NOM1: variants seen among roughly 807,000 people sequenced by gnomAD.
NOM1 encodes nucleolar MIF4G domain-containing protein 1.
In NOM1, 58 loss-of-function variants were observed where a neutral mutation model predicts 73.3. The ratio of observed to expected loss-of-function variants is 0.79; its 90% CI spans 0.64 to 0.99. The LOEUF is 0.99. Among genes scored for constraint, NOM1 ranks in the 50% least tolerant of loss-of-function variants. NOM1 has a pLI of 0.00. For missense variants in NOM1, 1,226 were observed against 1,131.9 expected (o/e 1.08, Z -1.19); for synonymous variants, 487 against 446.8 (o/e 1.09, Z -1.14).
intron 3 of NOM1, among the ~76,000 whole-genome samples, 174 bp downstream of exon 3, chr7:156,954,472 G>A (rs896308003): frequency 7.4e-6 from 1 of 134,294 alleles, no homozygotes; most frequent in Admixed American, 8.0e-5. Context: ...CATTCAGGAA[G>A]TACTTGATTA....
intron 9 of NOM1, chr7:156,968,703 A>ATATATATATATATATATATATATACACG (rs1563687553): frequency 2.5e-4 from 3 of 12,020 alleles, no homozygotes; most frequent in African/African-American, 1.0e-3. Context: ...ATATATATAT[A>ATATATATATATATATATATATATACACG]TATATATATA....
rs762400061 is a variant in NOM1 at position 156,963,134 on chromosome 7, A to G, written c.1870A>G (p.Asn624Asp). ...CTGGAGTGGGGCCCCGATGATCGAC[A>G]ACAGTCACCATACGCACCTGCAGAA... ...SAWSGAPMID[N>D]SHHTHLQKQL... Residue 624 changes from asparagine (N) to aspartate (D), a missense_variant, in exon 6 of 11, where the codon AAC (asparagine) becomes GAC (aspartate). By Grantham distance (23) the Asn-to-Asp change is conservative. Transcript: ENST00000275820. 4 of 1,614,028 alleles carry G rather than the reference A, an allele frequency of 2.5e-6. No homozygotes were observed. The highest frequency in any genetic ancestry group is 1.3e-5 in the African/African-American group (1 of 74,898).
At position 156,971,248 on chromosome 7, in the gene NOM1, T is replaced by G. The variant is rs1348655142; in HGVS notation, c.*1545T>G. 6.6e-6 allele frequency: 1 copy of G among 152,226 alleles called. No individual in the cohort carries two copies. Among genetic ancestry groups the G allele is most frequent in the African/African-American group, 2.4e-5 (1 of 41,454 alleles). The allele number at this position is 152,226 out of a possible 1,614,324, so 9.4% of individuals were successfully genotyped here. On this transcript the variant is annotated 3_prime_UTR_variant, in exon 11 of 11. Transcript: ENST00000275820. ...TAAGATGTGAATACAGAATAGACAT[T>G]GAGAGGTTATATATGTCCAAAACTC...
chr7:156,966,881 C>T, intron 8 of NOM1, 80 bp from the exon 9 acceptor site: 5 of 1,387,880 alleles, frequency 3.6e-6, no homozygotes, highest in Non-Finnish European at 4.9e-6. Flanking sequence ...TAAGAAAATA[C>T]CTTTAGGTTA....
rs780534842 is a variant in NOM1 at position 156,963,148 on chromosome 7, G to A, written c.1884G>A (p.Thr628=). ...GAPMIDNSHH[T]HLQKQLVGTV... is the part of the protein sequence containing the mutation. ...CGATGATCGACAACAGTCACCATAC[G>A]CACCTGCAGAAGCAGCTTGTGGGGA... Residue 628 remains threonine (T), a synonymous_variant, in exon 6 of 11, where the codon ACG becomes ACA. Transcript: ENST00000275820. 40 of 1,614,012 alleles carry A rather than the reference G, an allele frequency of 2.5e-5. No homozygotes were observed. The highest frequency in any genetic ancestry group is 4.0e-5 in the African/African-American group (3 of 74,902).
Position 156,957,309 on chromosome 7 carries a change from G to T in NOM1, c.1309-2542G>T, listed in dbSNP as rs943628545. On this transcript the variant is annotated intron_variant, in intron 3 of 10. Transcript: ENST00000275820. Reference sequence around the variant, plus strand: ...AAAACTCAAAAACCCAATCTATGTAGATTCATGTTAAAATTTCCACATCAG... The same window carrying T: ...AAAACTCAAAAACCCAATCTATGTATATTCATGTTAAAATTTCCACATCAG... Among the ~76,000 whole-genome samples the T allele has an allele frequency of 2.6e-5, 4 of 152,160 alleles. No homozygotes were observed. The East Asian group carries it at 7.7e-4, about 29-fold the overall frequency.
rs780643723 is a variant in NOM1 at position 156,950,234 on chromosome 7, C to T, written c.497C>T (p.Ala166Val). Residue 166 changes from alanine to valine, a missense_variant, in exon 1 of 11, where the codon GCC (alanine) becomes GTC (valine). Transcript: ENST00000275820. Reference sequence around the variant, plus strand: ...GCAAAGACCAGACCCTCCGCAGCCGCCACCGCCGCTGCCCGGAAACGGGCG... The same window carrying T: ...GCAAAGACCAGACCCTCCGCAGCCGTCACCGCCGCTGCCCGGAAACGGGCG... ...ATAKTRPSAA[A>V]TAAARKRALL... 3 of 1,612,782 alleles carry T rather than the reference C, an allele frequency of 1.9e-6. No individual in the cohort carries two copies. Among genetic ancestry groups the T allele is most frequent in the African/African-American group, 2.7e-5 (2 of 74,948 alleles).
intron 7 of NOM1, 154 bp from the exon 8 acceptor site, chr7:156,966,116 G>A: frequency 1.2e-6 from 1 of 831,356 alleles, no homozygotes; most frequent in Non-Finnish European, 1.9e-6. Flanking sequence ...ACAGGGCTGG[G>A]CCCCTAGCTG....
chr7:156,963,823 C>A, intron 6 of NOM1, 82 bp from the exon 7 acceptor site: 1 of 1,505,858 alleles, frequency 6.6e-7, no homozygotes, highest in Non-Finnish European at 9.0e-7. Flanking sequence ...TATTCAGTGA[C>A]ACTGAAGTAC....
chr7:156,950,057 G>A lies in NOM1; in HGVS notation c.320G>A (p.Gly107Asp), dbSNP rs1482019279. 1 of 1,543,548 alleles carries A rather than the reference G, an allele frequency of 6.5e-7. No individual in the cohort carries two copies. The highest frequency in any genetic ancestry group is 1.7e-4 in the Middle Eastern group (1 of 5,840). ...CAGAGGACGGCGGGCCCCGAACAGG[G>A]TCCCGGCCTGGGAGGCCGAAGCGGA... ...RLQRTAGPEQ[G>D]PGLGGRSGAE... The change falls in exon 1 of 11, where the codon GGT becomes GAT. Residue 107 changes from glycine to aspartate, a missense_variant. Gly to Asp is a moderately conservative substitution (Grantham distance 94, BLOSUM62 -1). Transcript: ENST00000275820.
At chr7:156,968,299 C>A (rs1052358778) in intron 9 of NOM1, among the ~76,000 whole-genome samples, 1 of 152,202 alleles carries the variant, frequency 6.6e-6, no homozygotes, top group African/African-American at 2.4e-5. Context: ...CAGGAGCACA[C>A]CCTCAGGCGT....
Position 156,972,012 on chromosome 7 carries a change from C to T in NOM1, c.*2309C>T, listed in dbSNP as rs1028670010. The T allele has an allele frequency of 3.9e-5, 6 of 152,220 alleles. No individual in the cohort carries two copies. The highest frequency in any genetic ancestry group is 8.8e-5 in the Non-Finnish European group (6 of 68,042). 9.4% of individuals were successfully genotyped at this position (152,220 alleles called of 1,614,324 possible). A position where few individuals can be genotyped will look rare whatever the true frequency, so the allele number is the denominator to read the frequency against. ...TTGCTGGGTGGTGATTGGGATGTAA[C>T]AGATCAGTTCTACTGGACTTGTAGC... On this transcript the variant is annotated 3_prime_UTR_variant, in exon 11 of 11. Transcript: ENST00000275820.
Position 156,949,783 on chromosome 7 carries a change from C to A in NOM1, c.46C>A (p.Gln16Lys). The change falls in exon 1 of 11, where the codon CAG becomes AAG. Residue 16 changes from glutamine to lysine, a missense_variant. Gln to Lys is a moderately conservative substitution (Grantham distance 53). Coordinates refer to ENST00000275820, the MANE Select transcript of NOM1 (RefSeq NM_138400.2). The part of the protein sequence containing the change: ...SAGEAGPGGS[Q>K]GRVVRMKRRG... The stretch of plus-strand genomic sequence containing the variant: ...GGGAGAGGCCGGCCCGGGCGGCTCC[C>A]AGGGACGCGTGGTCCGCATGAAGCG... The A allele has an allele frequency of 2.8e-6, 4 of 1,410,902 alleles. No individual in the cohort carries two copies. The highest frequency in any genetic ancestry group is 2.8e-5 in the East Asian group (1 of 36,318). The allele number at this position is 1,410,902 out of a possible 1,614,324, so 87.4% of individuals were successfully genotyped here. A position where few individuals can be genotyped will look rare whatever the true frequency, so the allele number is the denominator to read the frequency against.
rs780133180 is a variant in NOM1, at chr7:156,969,051, G to T, written c.2299-36G>T. On this transcript the variant is annotated intron_variant, in intron 9 of 10. Transcript: ENST00000275820. Reference sequence around the variant, plus strand: ...ATCATTGAAAAAGTTGGCTAAATCAGTGTAACTTTATTTTTCTCCATGTCC... The same window carrying T: ...ATCATTGAAAAAGTTGGCTAAATCATTGTAACTTTATTTTTCTCCATGTCC... The T allele has an allele frequency of 2.4e-5, 28 of 1,160,618 alleles. No individual in the cohort carries two copies. The South Asian group carries it at 3.1e-4, about 13-fold the overall frequency. 71.9% of individuals were successfully genotyped at this position (1,160,618 alleles called of 1,614,324 possible). A position where few individuals can be genotyped will look rare whatever the true frequency, so the allele number is the denominator to read the frequency against.
chr7:156,959,044 G>A (rs1478233801), intron 3 of NOM1, among the ~76,000 whole-genome samples: 1 of 151,950 alleles, frequency 6.6e-6, no homozygotes, highest in Non-Finnish European at 1.5e-5. Flanking sequence ...TGTAAGAAAT[G>A]AATTTGGGGT....
In NOM1 at chr7:156,971,087, G is replaced by C. The variant is rs1805130204; in HGVS notation, c.*1384G>C. 1 of 152,214 alleles carries C rather than the reference G, an allele frequency of 6.6e-6. No individual in the cohort carries two copies. Among genetic ancestry groups the C allele is most frequent in the Non-Finnish European group, 1.5e-5 (1 of 68,028 alleles). 9.4% of individuals were successfully genotyped at this position (152,214 alleles called of 1,614,324 possible). ...GGAAAACTGATTCTGGGAGGAAGCA[G>C]AAATGTCCCTAGATAACAGCATGTA... On this transcript the variant is annotated 3_prime_UTR_variant, in exon 11 of 11. Transcript: ENST00000275820.
At chr7:156,959,022 G>A (rs528727567) in intron 3 of NOM1, among the ~76,000 whole-genome samples, 2 of 152,176 alleles carry the variant, frequency 1.3e-5, no homozygotes, top group Admixed American at 6.5e-5. Context: ...GAAATCACTC[G>A]TATTGCTTCC....
chr7:156,966,669 C>T (rs1035370972), intron 8 of NOM1, among the ~76,000 whole-genome samples: 1 of 152,172 alleles, frequency 6.6e-6, no homozygotes, highest in Admixed American at 6.5e-5. Flanking sequence ...AGCACCTCGT[C>T]GGTTCACAGT....
intron 4 of NOM1, among the ~76,000 whole-genome samples, chr7:156,961,920 G>T (rs937055679): frequency 3.7e-4 from 56 of 152,108 alleles, no homozygotes; most frequent in African/African-American, 1.3e-3. Flanking sequence ...TCTCTGGGGA[G>T]TTTGGGTTCC....
Sources: gnomAD v4.1 joint callset for allele counts (sites outside exome capture counted in the v4.1 genomes callset) on GRCh38, gnomAD v4.1.1 for gene constraint, MANE v1.5 for transcripts, NCBI Gene and HGNC (gene_info 2026-07-23, HGNC 2026-07-21) for gene names.